PDE2A: variants seen among roughly 807,000 people sequenced by gnomAD.
PDE2A encodes the protein phosphodiesterase 2A, also known as cGMP-dependent 3',5'-cyclic phosphodiesterase.
In PDE2A, 53 loss-of-function variants were observed where a neutral mutation model predicts 133.6. That is an observed-to-expected ratio of 0.40 (90% CI 0.32 to 0.50). The LOEUF (loss-of-function observed/expected upper bound fraction) is 0.50, where lower values mean the gene tolerates loss of function less well. Among genes scored for constraint, PDE2A ranks in the 20% least tolerant of loss-of-function variants. The pLI is 0.73. For synonymous variants in PDE2A, 491 were observed against 490.2 expected (o/e 1.00, Z -0.02); for missense variants, 796 against 1,232.4 (o/e 0.65, Z 5.30).
chr11:72,648,797 C>T (rs985429267), intron 1 of PDE2A, among the ~76,000 whole-genome samples: 8 of 152,158 alleles, frequency 5.3e-5, no homozygotes, highest in Non-Finnish European at 1.2e-4. Context: ...GAATCTTACA[C>T]ACATACACCC....
At position 72,588,844 on chromosome 11, in the gene PDE2A, C is replaced by T. The variant is rs1174284884; in HGVS notation, c.1010G>A (p.Ser337Asn). Residue 337 changes from serine to asparagine, a missense_variant, in exon 13 of 31, where the codon AGC becomes AAC. Transcript: ENST00000334456. ...GGCCACCACCTGGTCAGTGGCCCGGCTGATGACAGGGACACAGAGCATGGC... is the reference window on the plus strand; with the variant it reads ...GGCCACCACCTGGTCAGTGGCCCGGTTGATGACAGGGACACAGAGCATGGC... Reference protein sequence around the residue: ...LQAMLCVPVISRATDQVVALA... With the variant: ...LQAMLCVPVINRATDQVVALA... The T allele has an allele frequency of 6.2e-7, 1 of 1,611,690 alleles. No homozygotes were observed. Among genetic ancestry groups the T allele is most frequent in the African/African-American group, 1.3e-5 (1 of 75,044 alleles).
chr11:72,663,726 C>CAA (rs35814877), intron 1 of PDE2A, among the ~76,000 whole-genome samples: 2,730 of 111,748 alleles, frequency 0.024, 100 homozygotes, highest in African/African-American at 0.086. Flanking sequence ...AAGACTGTCT[C>CAA]AAAAAAAAAA....
rs144146454 is a variant in PDE2A at position 72,605,767 on chromosome 11, TG to T, written c.235-542del. Among the ~76,000 whole-genome samples the T allele has an allele frequency of 3.1e-3, 467 of 152,266 alleles. 4 individuals carry two copies. Among genetic ancestry groups the T allele is most frequent in the African/African-American group, 9.7e-3 (404 of 41,544 alleles). On this transcript the variant is annotated intron_variant, in intron 3 of 30. Transcript: ENST00000334456. ...TCCGGTGGGGCTGGAGAGGGCTTCC[TG>T]GAGGAAGTGACCTTTCAGCTGTCAC...
At chr11:72,603,817 T>C (rs1008237602) in intron 4 of PDE2A, among the ~76,000 whole-genome samples, 2 of 151,892 alleles carry the variant, frequency 1.3e-5, no homozygotes, top group Non-Finnish European at 2.9e-5. Context: ...AGTGGGAGAA[T>C]AGGAAATGGG....
chr11:72,579,220 C>T (rs1855602924), intron 27 of PDE2A, 64 bp downstream of exon 27: 5 of 1,287,214 alleles, frequency 3.9e-6, no homozygotes, highest in Non-Finnish European at 3.4e-6. Flanking sequence ...GGAATGCTCC[C>T]CTGGCAAATC....
At position 72,590,748 on chromosome 11, in the gene PDE2A, C is replaced by T. The variant is rs1487903503; in HGVS notation, c.550-168G>A. ...GACTCTACCTTCCTGAGGGCTCCCC[C>T]GGGGGCTCCCACAGCCCCTGGAGCG... On this transcript the variant is annotated intron_variant, in intron 7 of 30. Transcript: ENST00000334456. The surrounding 1 kb of genome is among the most constrained non-coding windows in gnomAD (Gnocchi z 4.8). Among the ~76,000 whole-genome samples, 1 of 152,154 alleles carries T rather than the reference C, an allele frequency of 6.6e-6. No individual in the cohort carries two copies. Among genetic ancestry groups the T allele is most frequent in the African/African-American group, 2.4e-5 (1 of 41,446 alleles).
At chr11:72,669,122 A>G (rs1855324759) in intron 1 of PDE2A, 1 of 237,574 alleles carries the variant, frequency 4.2e-6, no homozygotes. Context: ...CACAAGGTTC[A>G]GAGAAGTTAA....
chr11:72,620,815 T>G (rs1591084254), intron 2 of PDE2A, among the ~76,000 whole-genome samples: 6 of 145,276 alleles, frequency 4.1e-5, no homozygotes, highest in African/African-American at 1.0e-4. Context: ...GGGGCAGGAG[T>G]GAGTGGGCAG....
chr11:72,592,944 T>A (rs1856317867), intron 6 of PDE2A, among the ~76,000 whole-genome samples: 1 of 152,094 alleles, frequency 6.6e-6, no homozygotes, highest in Non-Finnish European at 1.5e-5. Context: ...TATAAATATG[T>A]TGGCATTTTA....
At chr11:72,608,560 C>G in intron 3 of PDE2A, 102 bp downstream of exon 3, 1 of 679,242 alleles carries the variant, frequency 1.5e-6, no homozygotes, top group East Asian at 2.7e-5. Context: ...GGCAGGGACC[C>G]TGCCTCTTCC....
At chr11:72,654,922 C>A (rs1008430791) in intron 1 of PDE2A, among the ~76,000 whole-genome samples, 1 of 148,922 alleles carries the variant, frequency 6.7e-6, no homozygotes, top group African/African-American at 2.5e-5. Context: ...GTGACTCTTG[C>A]AGCACCCACC....
intron 4 of PDE2A, chr11:72,598,476 C>CCAGCCT (rs1565160792): frequency 7.8e-7 from 1 of 1,283,782 alleles, no homozygotes; most frequent in Non-Finnish European, 1.0e-6. Context: ...CCTCTACCCC[C>CCAGCCT]CAGCCTCTGG....
rs1302614392 is a variant in PDE2A, at chr11:72,578,031, A to T, written c.2615+202T>A. On this transcript the variant is annotated intron_variant, in intron 30 of 30. Coordinates refer to ENST00000334456, the MANE Select transcript of PDE2A (RefSeq NM_002599.5). The surrounding 1 kb of genome is among the most constrained non-coding windows in gnomAD (Gnocchi z 4.2). ...AGAGGAGGACACCTAGGAAAGCATG[A>T]TGGTCTCTTTCCACTGAGGACCAAG... Among the ~76,000 whole-genome samples, 1 of 152,208 alleles carries T rather than the reference A, an allele frequency of 6.6e-6. No homozygotes were observed. Among genetic ancestry groups the T allele is most frequent in the African/African-American group, 2.4e-5 (1 of 41,450 alleles).
At chr11:72,669,530 C>T (rs1470138494) in intron 1 of PDE2A, among the ~76,000 whole-genome samples, 2 of 152,100 alleles carry the variant, frequency 1.3e-5, no homozygotes, top group African/African-American at 2.4e-5. Context: ...CTAAATATAT[C>T]GACTTCCCAG....
At chr11:72,662,855 C>T (rs1855108074) in intron 1 of PDE2A, among the ~76,000 whole-genome samples, 1 of 152,140 alleles carries the variant, frequency 6.6e-6, no homozygotes, top group Non-Finnish European at 1.5e-5. Flanking sequence ...CATGGCCTGA[C>T]CCTGCTTAAA....
chr11:72,663,550 G>GA (rs35457068), intron 1 of PDE2A, among the ~76,000 whole-genome samples: 1 of 152,058 alleles, frequency 6.6e-6, no homozygotes, highest in African/African-American at 2.4e-5. Flanking sequence ...CCAATATGGT[G>GA]AAACCCCGTC....
At chr11:72,662,774 T>C (rs1017231438) in intron 1 of PDE2A, among the ~76,000 whole-genome samples, 7 of 152,160 alleles carry the variant, frequency 4.6e-5, no homozygotes, top group African/African-American at 1.2e-4. Context: ...CCAACCGCAA[T>C]ACTGCCTCTC....
chr11:72,578,807 C>G lies in PDE2A; in HGVS notation c.2469+90G>C. On this transcript the variant is annotated intron_variant, in intron 28 of 30. Transcript: ENST00000334456. This position sits in a 1 kb window ranked among gnomAD's most constrained non-coding sequence, Gnocchi z 4.2. ...CTCCCCAGAACACAGCCAGGCTGAG[C>G]TGAGCAGAGAGAGGGTATTCAGGCA... is the stretch of plus-strand genomic sequence containing the variant. 1.3e-6 allele frequency: 1 copy of G among 794,464 alleles called. No homozygotes were observed. Among genetic ancestry groups the G allele is most frequent in the African/African-American group, 1.7e-5 (1 of 59,398 alleles). 49.2% of individuals were successfully genotyped at this position (794,464 alleles called of 1,614,324 possible).
At chr11:72,661,615 A>C (rs925421060) in intron 1 of PDE2A, among the ~76,000 whole-genome samples, 64 of 152,356 alleles carry the variant, frequency 4.2e-4, no homozygotes, top group African/African-American at 1.5e-3. Context: ...AGAAGATCTG[A>C]AGAATGACAG....
Sources: allele counts gnomAD v4.1 joint callset (sites outside exome capture counted in the v4.1 genomes callset), GRCh38; gene constraint gnomAD v4.1.1; non-coding constraint Gnocchi (gnomAD v3.1); transcripts MANE v1.5; gene names NCBI Gene and HGNC (gene_info 2026-07-23, HGNC 2026-07-21).